The following PTCD1 variants were observed in gnomAD, a reference collection of about 807,000 sequenced individuals.
PTCD1 encodes the protein pentatricopeptide repeat domain 1, also known as pentatricopeptide repeat-containing protein 1, mitochondrial.
A neutral mutation model predicts 53.4 loss-of-function variants in PTCD1; 50 were observed. That is an observed-to-expected ratio of 0.94 (90% CI 0.75 to 1.19). The LOEUF (loss-of-function observed/expected upper bound fraction) is 1.19. Ranked by LOEUF, PTCD1 falls within the 50% of genes most tolerant of loss-of-function variation. PTCD1 has a pLI of 0.00. For missense variants in PTCD1, 918 were observed against 904.8 expected (o/e 1.01, Z -0.19); for synonymous variants, 413 against 394.8 (o/e 1.05, Z -0.55).
chr7:99,437,520 G>A (rs1197010740), intron 1 of PTCD1, among the ~76,000 whole-genome samples: 1 of 152,034 alleles, frequency 6.6e-6, no homozygotes, highest in Non-Finnish European at 1.5e-5. Context: ...GGCCAGGATG[G>A]TCTGGATCTT....
chr7:99,420,248 A>G (rs751539382), intron 7 of PTCD1, 99 bp from the exon 8 acceptor site: 12 of 1,549,174 alleles, frequency 7.7e-6, no homozygotes, highest in African/African-American at 1.4e-5. Flanking sequence ...GGTGGCTGCC[A>G]TTTTCCCTTC....
intron 3 of PTCD1, among the ~76,000 whole-genome samples, chr7:99,431,878 A>G (rs1584464386): frequency 1.3e-5 from 2 of 152,372 alleles, no homozygotes; most frequent in Middle Eastern, 6.8e-3. Flanking sequence ...GTTAAACTGT[A>G]ACCCTAGCCC....
chr7:99,434,684 G>A lies in PTCD1; in HGVS notation c.453+106C>T. 3 of 1,427,090 alleles carry A rather than the reference G, an allele frequency of 2.1e-6. No homozygotes were observed. In the South Asian group the frequency reaches 3.5e-5, roughly 17 times the overall value. The allele number at this position is 1,427,090 out of a possible 1,614,324, so 88.4% of individuals were successfully genotyped here. A position where few individuals can be genotyped will look rare whatever the true frequency, so the allele number is the denominator to read the frequency against. On this transcript the variant is annotated intron_variant, in intron 2 of 7. Transcript: ENST00000292478. ...AGCCATAAGGCTGGCAGTTCAACAG[G>A]GTAGGCCCAAAACTTAGAGGCTGGG...
rs922277306 is a variant in PTCD1 at position 99,435,090 on chromosome 7, AGAG to A, written c.150_152del (p.Ser51del). On this transcript the variant is annotated inframe_deletion, in exon 2 of 8. Coordinates refer to ENST00000292478, the MANE Select transcript of PTCD1 (RefSeq NM_015545.4). Reference sequence around the variant, plus strand: ...GACGCTCCTGGCCGAGGGGCAGCTGAGAGGAGGAGCTGCTGAAGGGCGCCCACA... The same window carrying A: ...GACGCTCCTGGCCGAGGGGCAGCTGAGAGGAGCTGCTGAAGGGCGCCCACA... The A allele has an allele frequency of 8.1e-5, 130 of 1,609,108 alleles. No homozygotes were observed. The highest frequency in any genetic ancestry group is 1.1e-4 in the Non-Finnish European group (126 of 1,178,236).
At chr7:99,435,349 T>G in intron 1 of PTCD1, 81 bp from the exon 2 acceptor site, 1 of 1,551,730 alleles carries the variant, frequency 6.4e-7, no homozygotes, top group Non-Finnish European at 8.7e-7. Context: ...GTTACAAGTA[T>G]GGGCCCAGGC....
chr7:99,417,994 G>T lies in PTCD1; in HGVS notation c.*1973C>A. On this transcript the variant is annotated 3_prime_UTR_variant, in exon 8 of 8. Coordinates refer to ENST00000292478, the MANE Select transcript of PTCD1 (RefSeq NM_015545.4). ...ATCTTTCCCGCCCCCCCAAGACGGA[G>T]TCTTGCTTTGTCGCCCAGGCTGGAG... 4 of 1,166,320 alleles carry T rather than the reference G, an allele frequency of 3.4e-6. No individual in the cohort carries two copies. The highest frequency in any genetic ancestry group is 4.3e-6 in the Non-Finnish European group (4 of 933,978). 72.2% of individuals were successfully genotyped at this position (1,166,320 alleles called of 1,614,324 possible).
intron 1 of PTCD1, among the ~76,000 whole-genome samples, chr7:99,437,004 A>C (rs1399101686): frequency 6.6e-6 from 1 of 152,146 alleles, no homozygotes; most frequent in Non-Finnish European, 1.5e-5. Context: ...AACTAGCACT[A>C]CTGGTGCACA....
intron 7 of PTCD1, among the ~76,000 whole-genome samples, chr7:99,421,472 TG>T (rs1388942327): frequency 1.4e-5 from 2 of 140,124 alleles, no homozygotes; most frequent in Non-Finnish European, 1.5e-5. Flanking sequence ...CGGCACGGCA[TG>T]GGGGCTCACA....
Position 99,417,252 on chromosome 7 carries a change from C to T in PTCD1, c.*2715G>A. The T allele has an allele frequency of 3.5e-6, 2 of 571,322 alleles. No homozygotes were observed. Among genetic ancestry groups the T allele is most frequent in the East Asian group, 3.2e-5 (1 of 31,018 alleles). 35.4% of individuals were successfully genotyped at this position (571,322 alleles called of 1,614,324 possible). ...ATTTTTAGTAGAGACGGGGTTTTAC[C>T]ATGTTGGCCGGGCTGGTCCTGAACT... On this transcript the variant is annotated 3_prime_UTR_variant, in exon 8 of 8. Transcript: ENST00000292478.
In PTCD1 at chr7:99,419,939, C is replaced by T. The variant is rs369127209; in HGVS notation, c.*28G>A. Reference sequence around the variant, plus strand: ...GGGGCTCCCACAGAGCACTGGGGGCCGAGCACATTGTTCCAGCTGTGCTCC... The same window carrying T: ...GGGGCTCCCACAGAGCACTGGGGGCTGAGCACATTGTTCCAGCTGTGCTCC... On this transcript the variant is annotated 3_prime_UTR_variant, in exon 8 of 8. Transcript: ENST00000292478. 44 of 1,613,588 alleles carry T rather than the reference C, an allele frequency of 2.7e-5. No individual in the cohort carries two copies. The highest frequency in any genetic ancestry group is 8.8e-5 in the South Asian group (8 of 91,050).
chr7:99,433,222 G>T, intron 3 of PTCD1, 56 bp downstream of exon 3: 1 of 1,613,798 alleles, frequency 6.2e-7, no homozygotes, highest in Non-Finnish European at 8.5e-7. Context: ...GGCACACTTG[G>T]GATCCGCCCC....
rs1795917443 is a variant in PTCD1 at position 99,423,790 on chromosome 7, A to C, written c.1905T>G (p.Pro635=). ...GGGCACACACCCGGTCAAAGGTGGG[A>C]GGGTACTGGGCTGCAAACTCCAGCT... The part of the protein sequence containing the change: ...IRQLEFAAQY[P]PTFDRYQGKN... Residue 635 remains proline (P), a synonymous_variant, in exon 7 of 8, where the codon CCT becomes CCG. Coordinates refer to ENST00000292478, the MANE Select transcript of PTCD1 (RefSeq NM_015545.4). 2.5e-6 allele frequency: 4 copies of C among 1,613,946 alleles called. No individual in the cohort carries two copies. The Admixed American group carries it at 6.7e-5, about 27-fold the overall frequency.
At chr7:99,421,361 A>G (rs1795804037) in intron 7 of PTCD1, among the ~76,000 whole-genome samples, 1 of 151,042 alleles carries the variant, frequency 6.6e-6, no homozygotes. Context: ...CTGGGAGGTC[A>G]AGGCTACAGT....
intron 2 of PTCD1, 140 bp downstream of exon 2, chr7:99,434,650 G>C (rs1393706575): frequency 1.9e-6 from 2 of 1,045,240 alleles, no homozygotes; most frequent in Non-Finnish European, 2.9e-6. Context: ...AAAGGGTTGC[G>C]ATACTTACAG....
At position 99,425,344 on chromosome 7, in the gene PTCD1, A is replaced by G. The variant is rs1287904310; in HGVS notation, c.1188T>C (p.Leu396=). The change falls in exon 6 of 8, where the codon CTT becomes CTC. Residue 396 remains leucine, a synonymous_variant. Coordinates refer to ENST00000292478, the MANE Select transcript of PTCD1 (RefSeq NM_015545.4). The stretch of plus-strand genomic sequence containing the variant: ...TGGCTTCCGGAGGCTCTGGAGGCCC[A>G]AGTGCCTGAGAAGGTTCCAGAAACA... ...RQLFLEPSQA[L]GPPEPPEARV... is the part of the protein sequence containing the mutation. The G allele has an allele frequency of 1.9e-6, 3 of 1,614,038 alleles. No individual in the cohort carries two copies. Among genetic ancestry groups the G allele is most frequent in the Non-Finnish European group, 2.5e-6 (3 of 1,180,030 alleles).
chr7:99,428,826 T>TG (rs1295439054), intron 5 of PTCD1, among the ~76,000 whole-genome samples: 1 of 142,424 alleles, frequency 7.0e-6, no homozygotes, highest in Admixed American at 7.2e-5. Context: ...AGTCCCCAGG[T>TG]GAGTGTGTGG....
rs1306875112 is a variant in PTCD1 at position 99,425,074 on chromosome 7, G to A, written c.1458C>T (p.Asp486=). The A allele has an allele frequency of 3.7e-6, 6 of 1,614,130 alleles. No homozygotes were observed. Among genetic ancestry groups the A allele is most frequent in the Non-Finnish European group, 5.1e-6 (6 of 1,180,046 alleles). ...CGGCCAGTAGCGTGAGGGTCCTGAT[G>A]TCGGGCTGCTGCCTGTGCTCTGCCA... The part of the protein sequence containing the change: ...SKMAEHRQQP[D]IRTLTLLAEV... Residue 486 remains aspartate (D), a synonymous_variant, in exon 6 of 8, where the codon GAC becomes GAT. Transcript: ENST00000292478.
At chr7:99,422,183 G>A (rs1795846555) in intron 7 of PTCD1, among the ~76,000 whole-genome samples, 1 of 152,230 alleles carries the variant, frequency 6.6e-6, no homozygotes, top group Admixed American at 6.5e-5. Flanking sequence ...GCCCAGCTAT[G>A]CCTTCAGCCA....
chr7:99,437,454 G>A (rs1165167272), intron 1 of PTCD1, among the ~76,000 whole-genome samples: 1 of 151,884 alleles, frequency 6.6e-6, no homozygotes, highest in Non-Finnish European at 1.5e-5. Flanking sequence ...ACAGACGCAT[G>A]CCACCAAGCC....
Sources: allele counts gnomAD v4.1 joint callset (sites outside exome capture counted in the v4.1 genomes callset), GRCh38; gene constraint gnomAD v4.1.1; transcripts MANE v1.5; gene names NCBI Gene and HGNC (gene_info 2026-07-23, HGNC 2026-07-21).